ENOPH1: variants seen among roughly 807,000 people sequenced by gnomAD.
ENOPH1 encodes the protein enolase-phosphatase 1.
Under a neutral mutation model 31.1 loss-of-function variants are expected in ENOPH1, and 14 were observed. The ratio of observed to expected loss-of-function variants is 0.45; its 90% CI spans 0.30 to 0.70. The LOEUF is 0.70. Among genes scored for constraint, ENOPH1 ranks in the 30% least tolerant of loss-of-function variants. The pLI, the probability that ENOPH1 is intolerant of heterozygous loss-of-function variation, is 0.09. For synonymous variants in ENOPH1, 127 were observed against 123.2 expected, an observed-to-expected ratio of 1.03 and a Z score of -0.21; for missense variants, 243 against 321.5, an observed-to-expected ratio of 0.76 and a Z score of 1.87.
At chr4:82,450,916 T>A in intron 2 of ENOPH1, 127 bp from the exon 3 acceptor site, 3 of 672,790 alleles carry the variant, frequency 4.5e-6, no homozygotes, top group Non-Finnish European at 7.7e-6. Flanking sequence ...GTATATGATG[T>A]TTCAATTTGC....
rs757778061 is a variant in ENOPH1, at chr4:82,430,811, C to G, written c.-19C>G. 2 of 1,613,226 alleles carry G rather than the reference C, an allele frequency of 1.2e-6. No individual in the cohort carries two copies. Among genetic ancestry groups the G allele is most frequent in the East Asian group, 2.2e-5 (1 of 44,864 alleles). On this transcript the variant is annotated 5_prime_UTR_variant, in exon 1 of 6. Coordinates refer to ENST00000273920, the MANE Select transcript of ENOPH1 (RefSeq NM_021204.5). ...CCCTCCCCAACAGCAGGCCGAGTCC[C>G]GTAGCATCCGGTAGGGAAATGGTCG...
chr4:82,454,578 CTGCAGGAGTTTGTAGT>C (rs1722434469), intron 3 of ENOPH1, 128 bp from the exon 4 acceptor site: 1 of 783,472 alleles, frequency 1.3e-6, no homozygotes, highest in Non-Finnish European at 2.0e-6. Context: ...TTTATTAGAA[CTGCAGGAGTTTGTAGT>C]CTCAGGGAGC....
At chr4:82,442,476 C>T (rs961197287) in intron 1 of ENOPH1, among the ~76,000 whole-genome samples, 1 of 152,030 alleles carries the variant, frequency 6.6e-6, no homozygotes, top group African/African-American at 2.4e-5. Flanking sequence ...GCTGAGATCG[C>T]ACCATTGTAT....
At chr4:82,454,975 T>TA (rs1263020555) in intron 4 of ENOPH1, 121 bp downstream of exon 4, 7 of 908,768 alleles carry the variant, frequency 7.7e-6, no homozygotes, top group Non-Finnish European at 1.2e-5. Flanking sequence ...TAAAATTAGG[T>TA]AAGAAGAAAA....
chr4:82,436,926 G>A lies in ENOPH1; in HGVS notation c.84+6013G>A, dbSNP rs550750789. ...TCATCATCATCATCATCATCCTATC[G>A]TTGTTGGAACCCAAAGAATCTGCAT... On this transcript the variant is annotated intron_variant, in intron 1 of 5. Transcript: ENST00000273920. 2.0e-5 allele frequency among the ~76,000 whole-genome samples: 3 copies of A among 151,968 alleles called. 1 individual carries two copies. In the South Asian group the frequency reaches 6.2e-4, roughly 32 times the overall value.
intron 1 of ENOPH1, among the ~76,000 whole-genome samples, chr4:82,441,259 A>G (rs1722031317): frequency 6.6e-6 from 1 of 152,140 alleles, no homozygotes; most frequent in Non-Finnish European, 1.5e-5. Flanking sequence ...GTGGAAGAAG[A>G]AGGAAGAGCA....
intron 1 of ENOPH1, among the ~76,000 whole-genome samples, chr4:82,443,726 C>CAAAAAAAAAAAAAA (rs200920472): frequency 8.0e-6 from 1 of 124,340 alleles, no homozygotes; most frequent in African/African-American, 2.9e-5. Context: ...ACTCCAGTCT[C>CAAAAAAAAAAAAAA]AAAAAAAAAA....
chr4:82,454,067 A>T (rs1429752757), intron 3 of ENOPH1, among the ~76,000 whole-genome samples: 2 of 121,440 alleles, frequency 1.6e-5, no homozygotes, highest in Non-Finnish European at 3.5e-5. Context: ...AAAAAAAAAA[A>T]GCTGGGGGTG....
chr4:82,459,058 T>G (rs1722573231), intron 5 of ENOPH1, among the ~76,000 whole-genome samples: 1 of 152,182 alleles, frequency 6.6e-6, no homozygotes, highest in African/African-American at 2.4e-5. Context: ...GTGATTACTC[T>G]TACACCAAAT....
chr4:82,458,144 C>T (rs996819569), intron 5 of ENOPH1, among the ~76,000 whole-genome samples: 9 of 152,190 alleles, frequency 5.9e-5, no homozygotes, highest in Non-Finnish European at 1.3e-4. Flanking sequence ...GCTCTTTTCT[C>T]TCTGGTCCTG....
chr4:82,448,050 A>G, intron 2 of ENOPH1, 29 bp downstream of exon 2: 2 of 1,487,620 alleles, frequency 1.3e-6, no homozygotes, highest in Non-Finnish European at 1.9e-6. Context: ...TAAATTCCCA[A>G]GTGTCTTAGA....
intron 1 of ENOPH1, among the ~76,000 whole-genome samples, chr4:82,439,468 C>T (rs1721987886): frequency 6.6e-6 from 1 of 152,028 alleles, no homozygotes; most frequent in Non-Finnish European, 1.5e-5. Context: ...TGTATGGGTC[C>T]AAGTCGTTGT....
intron 1 of ENOPH1, among the ~76,000 whole-genome samples, chr4:82,442,856 G>C (rs1354180584): frequency 1.3e-5 from 2 of 152,186 alleles, no homozygotes; most frequent in Non-Finnish European, 2.9e-5. Flanking sequence ...ACAGAGTCCT[G>C]CTCTATCGCC....
intron 1 of ENOPH1, among the ~76,000 whole-genome samples, chr4:82,438,639 A>C (rs998002656): frequency 1.3e-5 from 2 of 152,238 alleles, no homozygotes; most frequent in African/African-American, 4.8e-5. Flanking sequence ...CCTGGGTGAC[A>C]GAGCTGGAAT....
intron 1 of ENOPH1, among the ~76,000 whole-genome samples, chr4:82,436,553 G>A (rs574436438): frequency 2.6e-5 from 4 of 152,000 alleles, no homozygotes; most frequent in African/African-American, 9.7e-5. Flanking sequence ...CAGGTGTAGT[G>A]GCATGTGCCT....
chr4:82,437,762 C>G (rs1419642467), intron 1 of ENOPH1, among the ~76,000 whole-genome samples: 1 of 152,196 alleles, frequency 6.6e-6, no homozygotes, highest in Admixed American at 6.5e-5. Flanking sequence ...GAAGGCTCCT[C>G]AAGGGCAGAG....
chr4:82,437,130 T>A (rs1309223877), intron 1 of ENOPH1, among the ~76,000 whole-genome samples: 2 of 152,090 alleles, frequency 1.3e-5, no homozygotes, highest in South Asian at 2.1e-4. Context: ...TGATTTCTGG[T>A]TCCTTATTTT....
chr4:82,458,324 T>C (rs568793600), intron 5 of ENOPH1, among the ~76,000 whole-genome samples: 2 of 152,272 alleles, frequency 1.3e-5, no homozygotes, highest in East Asian at 3.9e-4. Flanking sequence ...CTGGCCAACA[T>C]GGTGAAACCT....
chr4:82,457,620 C>T (rs905785573), intron 5 of ENOPH1, among the ~76,000 whole-genome samples: 5 of 150,912 alleles, frequency 3.3e-5, no homozygotes, highest in African/African-American at 7.3e-5. Context: ...TCGCTATGTA[C>T]ACACACACAC....
Sources: gnomAD v4.1 joint callset for allele counts (sites outside exome capture counted in the v4.1 genomes callset) on GRCh38, gnomAD v4.1.1 for gene constraint, MANE v1.5 for transcripts, NCBI Gene and HGNC (gene_info 2026-07-23, HGNC 2026-07-21) for gene names.